The following MIPOL1 variants were observed in gnomAD, a reference collection of about 807,000 sequenced individuals.
The protein encoded by MIPOL1 is mirror-image polydactyly gene 1 protein.
A neutral mutation model predicts 60.9 loss-of-function variants in MIPOL1; 57 were observed. The observed-to-expected ratio is 0.94, with a 90% confidence interval of 0.76 to 1.17. The LOEUF (loss-of-function observed/expected upper bound fraction) is 1.17. Among genes scored for constraint, MIPOL1 ranks in the 50% most tolerant of loss-of-function variants. The probability of loss-of-function intolerance (pLI) is 0.00; values close to 1 mark genes in which losing one functional copy is unlikely to be tolerated. For missense variants in MIPOL1, 551 were observed against 511.6 expected (o/e 1.08, Z -0.74); for synonymous variants, 179 against 168.8 (o/e 1.06, Z -0.47).
chr14:37,344,318 A>G lies in MIPOL1; in HGVS notation c.829-25199A>G, dbSNP rs1049095088. Among the ~76,000 whole-genome samples the G allele has an allele frequency of 2.6e-5, 4 of 151,984 alleles. 1 individual carries two copies. The highest frequency in any genetic ancestry group is 2.0e-4 in the Admixed American group (3 of 15,264). On this transcript the variant is annotated intron_variant, in intron 9 of 12. Coordinates refer to ENST00000684589, the MANE Select transcript of MIPOL1 (RefSeq NM_001388067.1). The stretch of plus-strand genomic sequence containing the variant: ...TATTCCCCTGGAATTTATTTTTTAA[A>G]TAAATTAAAAATAAAATAAAGTCAG...
At chr14:37,376,022 T>G (rs2092767533) in intron 10 of MIPOL1, among the ~76,000 whole-genome samples, 1 of 152,180 alleles carries the variant, frequency 6.6e-6, no homozygotes, top group African/African-American at 2.4e-5. Flanking sequence ...TCTTATTTTT[T>G]AAAATAAACT....
At chr14:37,534,748 A>G (rs2153637842) in intron 12 of MIPOL1, among the ~76,000 whole-genome samples, 1 of 152,276 alleles carries the variant, frequency 6.6e-6, no homozygotes, top group South Asian at 2.1e-4. Flanking sequence ...TTGTTAGGGG[A>G]TTAAGCAAAA....
At chr14:37,443,951 C>A (rs1276951955) in intron 11 of MIPOL1, among the ~76,000 whole-genome samples, 16 of 151,964 alleles carry the variant, frequency 1.1e-4, no homozygotes, top group Admixed American at 1.1e-3. Context: ...ATTCAAAACC[C>A]ATTCAGTTGT....
chr14:37,425,518 CT>C (rs1267085016), intron 11 of MIPOL1, among the ~76,000 whole-genome samples: 2 of 152,118 alleles, frequency 1.3e-5, no homozygotes, highest in African/African-American at 2.4e-5. Context: ...AATAAAGCCA[CT>C]GGGATTTGCA....
At chr14:37,379,572 G>A (rs2092871403) in intron 10 of MIPOL1, among the ~76,000 whole-genome samples, 1 of 152,032 alleles carries the variant, frequency 6.6e-6, no homozygotes, top group South Asian at 2.1e-4. Context: ...TATCTGGCAA[G>A]GAACTTATAT....
chr14:37,479,699 G>A (rs1031044978), intron 11 of MIPOL1, among the ~76,000 whole-genome samples: 10 of 151,798 alleles, frequency 6.6e-5, no homozygotes, highest in Admixed American at 3.9e-4. Context: ...CAGAGCAGAA[G>A]AAAAATTAAG....
intron 12 of MIPOL1, chr14:37,503,721 A>G (rs1342849783): frequency 1.3e-5 from 2 of 152,294 alleles, no homozygotes; most frequent in South Asian, 4.1e-4. Flanking sequence ...TAACCAGCTA[A>G]CATCATAACG....
intron 10 of MIPOL1, among the ~76,000 whole-genome samples, chr14:37,371,650 G>A (rs2092642291): frequency 6.6e-6 from 1 of 151,972 alleles, no homozygotes; most frequent in South Asian, 2.1e-4. Context: ...TTTTAAAATG[G>A]TCTGTCTTGC....
intron 9 of MIPOL1, among the ~76,000 whole-genome samples, chr14:37,344,778 C>T (rs1011578649): frequency 6.6e-6 from 1 of 151,678 alleles, no homozygotes; most frequent in African/African-American, 2.4e-5. Context: ...ACCTGTAATC[C>T]CAGCACTTAG....
intron 12 of MIPOL1, among the ~76,000 whole-genome samples, chr14:37,513,066 A>G (rs2095341280): frequency 2.0e-5 from 3 of 152,126 alleles, no homozygotes; most frequent in Admixed American, 2.0e-4. Context: ...TCATCTATAT[A>G]TGGAAGATGG....
At chr14:37,541,118 G>A (rs1183622966) in intron 12 of MIPOL1, among the ~76,000 whole-genome samples, 2 of 152,038 alleles carry the variant, frequency 1.3e-5, no homozygotes, top group African/African-American at 2.4e-5. Flanking sequence ...TTTCACTTCA[G>A]CTACTCACTC....
intron 1 of MIPOL1, among the ~76,000 whole-genome samples, chr14:37,224,922 C>A (rs1404547609): frequency 1.3e-5 from 2 of 152,162 alleles, no homozygotes; most frequent in South Asian, 2.1e-4. Context: ...AGGCATTGGG[C>A]AAATACAGCT....
intron 11 of MIPOL1, among the ~76,000 whole-genome samples, chr14:37,495,178 G>C (rs1200852777): frequency 7.3e-6 from 1 of 136,962 alleles, no homozygotes; most frequent in Non-Finnish European, 1.6e-5. Context: ...ATGGCACATT[G>C]TGCAGGTTAG....
chr14:37,470,312 C>T (rs907764066), intron 11 of MIPOL1, among the ~76,000 whole-genome samples: 1 of 152,078 alleles, frequency 6.6e-6, no homozygotes, highest in African/African-American at 2.4e-5. Flanking sequence ...AGTGAAGCCA[C>T]CTGATATGGC....
At chr14:37,339,011 A>G (rs1595228852) in intron 9 of MIPOL1, among the ~76,000 whole-genome samples, 2 of 152,352 alleles carry the variant, frequency 1.3e-5, no homozygotes, top group Middle Eastern at 3.4e-3. Context: ...GTGAAAGCTC[A>G]TCAAAAGCCA....
At chr14:37,498,067 GA>G (rs2095159333) in intron 11 of MIPOL1, among the ~76,000 whole-genome samples, 1 of 152,132 alleles carries the variant, frequency 6.6e-6, no homozygotes, top group Non-Finnish European at 1.5e-5. Context: ...AAAAAGCAAT[GA>G]ATTATATGCA....
chr14:37,325,395 A>G (rs1213522657), intron 9 of MIPOL1, among the ~76,000 whole-genome samples: 1 of 152,076 alleles, frequency 6.6e-6, no homozygotes, highest in Non-Finnish European at 1.5e-5. Flanking sequence ...TTTTAAATTC[A>G]CTTTATTTCT....
intron 7 of MIPOL1, among the ~76,000 whole-genome samples, chr14:37,295,761 AAATATAT>A (rs2085596104): frequency 6.6e-6 from 1 of 152,230 alleles, no homozygotes; most frequent in African/African-American, 2.4e-5. Flanking sequence ...TAACTATCCT[AAATATAT>A]ATGTACCCAA....
intron 11 of MIPOL1, among the ~76,000 whole-genome samples, chr14:37,443,491 G>A (rs1042642529): frequency 2.1e-5 from 3 of 145,822 alleles, no homozygotes; most frequent in Admixed American, 2.1e-4. Flanking sequence ...AAAGGAGGAG[G>A]AAGAGGAGGA....
Sources: gnomAD v4.1 joint callset for allele counts (sites outside exome capture counted in the v4.1 genomes callset) on GRCh38, gnomAD v4.1.1 for gene constraint, MANE v1.5 for transcripts, NCBI Gene and HGNC (gene_info 2026-07-23, HGNC 2026-07-21) for gene names.